The following PDE7B variants were observed in gnomAD, a reference collection of about 807,000 sequenced individuals.
The protein encoded by PDE7B is 3',5'-cyclic-AMP phosphodiesterase 7B.
In PDE7B, 29 loss-of-function variants were observed where a neutral mutation model predicts 56.2. The observed-to-expected ratio is 0.52, with a 90% CI of 0.38 to 0.70. PDE7B has a LOEUF of 0.70. PDE7B is among the 30% of genes least tolerant of loss of function. The probability of loss-of-function intolerance (pLI) is 0.00; values close to 1 mark genes in which losing one functional copy is unlikely to be tolerated. For missense variants in PDE7B, 490 were observed against 565.0 expected (o/e 0.87, Z 1.35); for synonymous variants, 197 against 196.9 (o/e 1.00, Z 0.00).
chr6:135,888,449 C>CAA (rs1167058264), intron 1 of PDE7B, among the ~76,000 whole-genome samples: 2 of 151,084 alleles, frequency 1.3e-5, no homozygotes, highest in African/African-American at 4.9e-5. Flanking sequence ...CTGAAATACA[C>CAA]ACGTGTGTGT....
At chr6:135,874,325 C>A (rs1438164765) in intron 1 of PDE7B, among the ~76,000 whole-genome samples, 2 of 152,120 alleles carry the variant, frequency 1.3e-5, no homozygotes, top group Non-Finnish European at 2.9e-5. Flanking sequence ...TACTCTGTTG[C>A]TGAGTTTTCT....
At chr6:135,864,366 C>T (rs771047501) in intron 1 of PDE7B, among the ~76,000 whole-genome samples, 23 of 152,044 alleles carry the variant, frequency 1.5e-4, no homozygotes, top group Non-Finnish European at 2.6e-4. Flanking sequence ...TCTAAGGTCA[C>T]ATATAGGATT....
chr6:135,934,236 C>T (rs554447442), intron 1 of PDE7B, among the ~76,000 whole-genome samples: 7 of 152,188 alleles, frequency 4.6e-5, no homozygotes, highest in Admixed American at 1.3e-4. Context: ...CCCAAGTGAC[C>T]TTTATATAAT....
chr6:136,053,998 T>C (rs1015250557), intron 2 of PDE7B, among the ~76,000 whole-genome samples: 1 of 152,222 alleles, frequency 6.6e-6, no homozygotes, highest in Non-Finnish European at 1.5e-5. Flanking sequence ...TCTCCCATTC[T>C]GTAGGTTGCC....
intron 3 of PDE7B, among the ~76,000 whole-genome samples, chr6:136,128,667 A>G (rs1778064792): frequency 6.6e-6 from 1 of 152,190 alleles, no homozygotes; most frequent in African/African-American, 2.4e-5. Flanking sequence ...TAAATAAGGC[A>G]TAGGCCCTGC....
intron 1 of PDE7B, among the ~76,000 whole-genome samples, chr6:135,877,358 C>CTTTTTTTTTTTTTTTTT (rs11302793): frequency 1.6e-5 from 2 of 126,948 alleles, no homozygotes; most frequent in African/African-American, 2.9e-5. Flanking sequence ...TTACACATTC[C>CTTTTTTTTTTTTTTTTT]TTTTTTTTTT....
At chr6:135,947,574 G>T (rs764311240) in intron 2 of PDE7B, 50 bp downstream of exon 2, 2 of 1,352,114 alleles carry the variant, frequency 1.5e-6, no homozygotes, top group Non-Finnish European at 2.1e-6. Context: ...ATGTCATGTG[G>T]AGTTATCATT....
At chr6:136,099,942 A>AT (rs1490581620) in intron 2 of PDE7B, among the ~76,000 whole-genome samples, 1 of 152,114 alleles carries the variant, frequency 6.6e-6, no homozygotes, top group Non-Finnish European at 1.5e-5. Context: ...TTTTGAGTTA[A>AT]TTTTTGTATA....
Position 136,149,089 on chromosome 6 carries a change from T to C in PDE7B, c.321T>C (p.His107=). ...CTGTTTTTTGTTTGCCTTTTCAGCA[T>C]ATGCTCTCCAAAGTGGGAATGTGGG... The part of the protein sequence containing the change: ...LDEDYLGQAR[H]MLSKVGMWDF... Residue 107 remains histidine (H), a splice_region_variant and synonymous_variant, in exon 5 of 13, where the codon CAT becomes CAC. Coordinates refer to ENST00000308191, the MANE Select transcript of PDE7B (RefSeq NM_018945.4). 6.2e-7 allele frequency: 1 copy of C among 1,610,948 alleles called. No homozygotes were observed. The highest frequency in any genetic ancestry group is 8.5e-7 in the Non-Finnish European group (1 of 1,177,138).
chr6:135,967,348 GA>G (rs1031550808), intron 2 of PDE7B, among the ~76,000 whole-genome samples: 2 of 151,884 alleles, frequency 1.3e-5, no homozygotes, highest in East Asian at 1.9e-4. Flanking sequence ...AAGGACACAG[GA>G]AAAAAAATCA....
At chr6:135,908,114 G>A (rs1382064990) in intron 1 of PDE7B, among the ~76,000 whole-genome samples, 2 of 150,346 alleles carry the variant, frequency 1.3e-5, no homozygotes, top group Admixed American at 1.3e-4. Flanking sequence ...TTGAGACGGA[G>A]TTTTGCTCTT....
At chr6:136,103,405 A>G (rs1777596455) in intron 2 of PDE7B, among the ~76,000 whole-genome samples, 1 of 152,254 alleles carries the variant, frequency 6.6e-6, no homozygotes, top group South Asian at 2.1e-4. Flanking sequence ...TTTAGGCCAG[A>G]TAAACATCTT....
intron 2 of PDE7B, among the ~76,000 whole-genome samples, chr6:136,098,265 G>A (rs1777504898): frequency 1.3e-5 from 2 of 151,562 alleles, no homozygotes; most frequent in Non-Finnish European, 1.5e-5. Context: ...AAAGAAAATG[G>A]ACACTCAAAA....
At position 135,851,870 on chromosome 6, in the gene PDE7B, TTG is replaced by T; in HGVS notation, c.-127_-126del. Reference sequence around the variant, plus strand: ...TTTCCTTTTTTTTCTTTTTTTTTTTTTGTTACTTAATTATATTCCTAATCCTG... The same window carrying T: ...TTTCCTTTTTTTTCTTTTTTTTTTTTTTACTTAATTATATTCCTAATCCTG... On this transcript the variant is annotated 5_prime_UTR_variant, in exon 1 of 13. Transcript: ENST00000308191. 13 of 623,730 alleles carry T rather than the reference TTG, an allele frequency of 2.1e-5. No homozygotes were observed. The highest frequency in any genetic ancestry group is 5.0e-5 in the Admixed American group (2 of 40,204). 38.6% of individuals were successfully genotyped at this position (623,730 alleles called of 1,614,324 possible). A position where few individuals can be genotyped will look rare whatever the true frequency, so the allele number is the denominator to read the frequency against.
intron 10 of PDE7B, 126 bp from the exon 11 acceptor site, chr6:136,181,101 T>C: frequency 2.9e-6 from 2 of 694,448 alleles, no homozygotes; most frequent in Non-Finnish European, 5.2e-6. Flanking sequence ...GTCAGGGAGG[T>C]ACTCTGTAAA....
intron 2 of PDE7B, among the ~76,000 whole-genome samples, chr6:136,085,711 G>A (rs1777280368): frequency 6.6e-6 from 1 of 152,172 alleles, no homozygotes; most frequent in African/African-American, 2.4e-5. Context: ...ACTGAAAAGT[G>A]CAAGGAATTT....
intron 2 of PDE7B, among the ~76,000 whole-genome samples, chr6:136,090,361 T>G (rs940582267): frequency 6.6e-6 from 1 of 152,174 alleles, no homozygotes; most frequent in Non-Finnish European, 1.5e-5. Flanking sequence ...TTTAGGAATT[T>G]AGAGAATTTG....
rs146474961 is a variant in PDE7B, at chr6:136,126,549, A to G, written c.166+17735A>G. Among the ~76,000 whole-genome samples the G allele has an allele frequency of 3.0e-4, 46 of 152,340 alleles. No individual in the cohort carries two copies. The East Asian group carries it at 5.4e-3, about 18-fold the overall frequency. On this transcript the variant is annotated intron_variant, in intron 3 of 12. Coordinates refer to ENST00000308191, the MANE Select transcript of PDE7B (RefSeq NM_018945.4). ...TTGCAACTGCAAAAATGTGGAACCA[A>G]CCCAAATGCCCATCAATTGATGAAT...
intron 2 of PDE7B, chr6:136,037,589 G>C: frequency 1.0e-6 from 1 of 985,352 alleles, no homozygotes; most frequent in South Asian, 4.7e-5. Context: ...CTGCAGATTG[G>C]CTCTGCAGAC....
Sources: allele counts gnomAD v4.1 joint callset (sites outside exome capture counted in the v4.1 genomes callset), GRCh38; gene constraint gnomAD v4.1.1; transcripts MANE v1.5; gene names NCBI Gene and HGNC (gene_info 2026-07-23, HGNC 2026-07-21).